BTN2A2: variants seen among roughly 807,000 people sequenced by gnomAD.
BTN2A2 encodes the protein butyrophilin subfamily 2 member A2, also known as butyrophilin 2.
Under a neutral mutation model 34.7 loss-of-function variants are expected in BTN2A2, and 29 were observed. The observed-to-expected ratio is 0.84, with a 90% CI of 0.62 to 1.14. The LOEUF is 1.14. Ranked by LOEUF, BTN2A2 falls within the 50% of genes most tolerant of loss-of-function variation. BTN2A2 has a pLI of 0.00. For missense variants in BTN2A2, 612 were observed against 651.5 expected (o/e 0.94, Z 0.66); for synonymous variants, 240 against 253.1 (o/e 0.95, Z 0.49).
At chr6:26,392,157 T>G in intron 7 of BTN2A2, 1 of 1,441,510 alleles carries the variant, frequency 6.9e-7, no homozygotes, top group Non-Finnish European at 9.4e-7. Context: ...GCCACAATTC[T>G]TCTCAACCTG....
chr6:26,383,781 T>C lies in BTN2A2; in HGVS notation c.-30-11T>C. 1 of 1,592,380 alleles carries C rather than the reference T, an allele frequency of 6.3e-7. No individual in the cohort carries two copies. Among genetic ancestry groups the C allele is most frequent in the South Asian group, 1.1e-5 (1 of 90,592 alleles). Reference sequence around the variant, plus strand: ...GACTCCTAGGCTGATTCTCCTCCTCTGTAACCCTAGGCCTCTGGTCTCTGC... The same window carrying C: ...GACTCCTAGGCTGATTCTCCTCCTCCGTAACCCTAGGCCTCTGGTCTCTGC... On this transcript the variant is annotated splice_polypyrimidine_tract_variant and intron_variant, in intron 1 of 7. Coordinates refer to ENST00000356709, the MANE Select transcript of BTN2A2 (RefSeq NM_006995.5). This position sits in a 1 kb window ranked among gnomAD's most constrained non-coding sequence, Gnocchi z 4.4.
Position 26,383,749 on chromosome 6 carries a change from G to A in BTN2A2, c.-30-43G>A. 1 of 1,505,592 alleles carries A rather than the reference G, an allele frequency of 6.6e-7. No homozygotes were observed. The highest frequency in any genetic ancestry group is 9.2e-7 in the Non-Finnish European group (1 of 1,082,098). The allele number at this position is 1,505,592 out of a possible 1,614,324, so 93.3% of individuals were successfully genotyped here. ...GAGGTTGGGCCCGACCAGCACTGAG[G>A]TGCCAAGACTCCTAGGCTGATTCTC... On this transcript the variant is annotated intron_variant, in intron 1 of 7. Transcript: ENST00000356709. This position sits in a 1 kb window ranked among gnomAD's most constrained non-coding sequence, Gnocchi z 4.4.
At position 26,392,677 on chromosome 6, in the gene BTN2A2, CG is replaced by C; in HGVS notation, c.1285del (p.Ala429ProfsTer11). ...WTLEMFGNQY[R>X]ALSSPERILP... ...CCTGGAGATGTTTGGAAACCAATAC[CG>C]GGCCCTGTCCTCCCCTGAGAGGATT... On this transcript the variant is annotated frameshift_variant, in exon 8 of 8. Transcript: ENST00000356709. LOFTEE classifies it low-confidence loss of function (END_TRUNC). The C allele has an allele frequency of 1.2e-6, 2 of 1,614,178 alleles. No homozygotes were observed. The highest frequency in any genetic ancestry group is 1.7e-6 in the Non-Finnish European group (2 of 1,180,028).
At position 26,387,963 on chromosome 6, in the gene BTN2A2, G is replaced by A. The variant is rs763843005; in HGVS notation, c.443-50G>A. Reference sequence around the variant, plus strand: ...AGCAACCATCCATCAAGGTGCAGTAGGGGCTAAGATACCACTGCCTTTTGG... The same window carrying A: ...AGCAACCATCCATCAAGGTGCAGTAAGGGCTAAGATACCACTGCCTTTTGG... On this transcript the variant is annotated intron_variant, in intron 3 of 7. Coordinates refer to ENST00000356709, the MANE Select transcript of BTN2A2 (RefSeq NM_006995.5). The A allele has an allele frequency of 1.9e-6, 3 of 1,554,622 alleles. No homozygotes were observed. The African/African-American group carries it at 4.1e-5, about 21-fold the overall frequency.
At position 26,393,571 on chromosome 6, in the gene BTN2A2, A is replaced by T. The variant is rs1296584250; in HGVS notation, c.*604A>T. On this transcript the variant is annotated 3_prime_UTR_variant, in exon 8 of 8. Transcript: ENST00000356709. ...CCACAGCACACACCCACAGGCCTGG[A>T]CCTGGGATGAAGATGAATGAAGAAC... 2.4e-5 allele frequency: 24 copies of T among 1,006,910 alleles called. No homozygotes were observed. The highest frequency in any genetic ancestry group is 2.8e-5 in the Non-Finnish European group (24 of 843,326). The allele number at this position is 1,006,910 out of a possible 1,614,324, so 62.4% of individuals were successfully genotyped here. A position where few individuals can be genotyped will look rare whatever the true frequency, so the allele number is the denominator to read the frequency against.
chr6:26,390,971 G>A, intron 7 of BTN2A2, 142 bp downstream of exon 7: 1 of 1,234,244 alleles, frequency 8.1e-7, no homozygotes, highest in Non-Finnish European at 1.2e-6. Flanking sequence ...CGGTGTCCCA[G>A]CAATGATGCA....
chr6:26,383,528 C>T lies in BTN2A2; in HGVS notation c.-30-264C>T. ...TGGAGGGACGAGGGTGTGAAAGAAT[C>T]CAGGGACAACTGAAGAAACCGGACT... On this transcript the variant is annotated intron_variant, in intron 1 of 7. Transcript: ENST00000356709. This position sits in a 1 kb window ranked among gnomAD's most constrained non-coding sequence, Gnocchi z 4.4. The T allele has an allele frequency of 7.7e-6, 3 of 388,946 alleles. No individual in the cohort carries two copies. Among genetic ancestry groups the T allele is most frequent in the Non-Finnish European group, 1.4e-5 (3 of 213,050 alleles). The allele number at this position is 388,946 out of a possible 1,614,324, so 24.1% of individuals were successfully genotyped here.
rs3885849 is a variant in BTN2A2, at chr6:26,384,400, G to A, written c.94+485G>A. Among the ~76,000 whole-genome samples, 21,541 of 152,032 alleles carry A rather than the reference G, an allele frequency of 0.14. 4,130 individuals are homozygous for A. Among genetic ancestry groups the A allele is most frequent in the African/African-American group, 0.44 (18,062 of 41,412 alleles). On this transcript the variant is annotated intron_variant, in intron 2 of 7. Coordinates refer to ENST00000356709, the MANE Select transcript of BTN2A2 (RefSeq NM_006995.5). The surrounding 1 kb of genome is among the most constrained non-coding windows in gnomAD (Gnocchi z 4.0). ...TAGCTGTTAAGGATCCTCCCACTTT[G>A]GCCTCCCAAATATCTGCAATTACAG...
intron 4 of BTN2A2, among the ~76,000 whole-genome samples, chr6:26,389,311 A>C (rs114729037): frequency 0.013 from 2,033 of 152,254 alleles, 35 homozygotes; most frequent in African/African-American, 0.043. Context: ...GTCAGGGAAG[A>C]CTTCACTGTA....
chr6:26,389,074 C>T (rs983724832), intron 4 of BTN2A2, among the ~76,000 whole-genome samples: 3 of 151,910 alleles, frequency 2.0e-5, no homozygotes, highest in Admixed American at 6.6e-5. Flanking sequence ...AAGATCGTGC[C>T]ACTGCACTCC....
intron 4 of BTN2A2, 68 bp downstream of exon 4, chr6:26,388,362 A>G: frequency 6.4e-7 from 1 of 1,568,684 alleles, no homozygotes; most frequent in Non-Finnish European, 8.7e-7. Flanking sequence ...TGGAGCCCAG[A>G]GCGGGAATGG....
chr6:26,385,389 C>T (rs1486443526), intron 3 of BTN2A2, 27 bp downstream of exon 3: 1 of 1,590,686 alleles, frequency 6.3e-7, no homozygotes, highest in South Asian at 1.1e-5. Context: ...TGCTTTATTA[C>T]TTTTGCACAG....
Position 26,394,378 on chromosome 6 carries a change from GA to G in BTN2A2, c.*1413del. On this transcript the variant is annotated 3_prime_UTR_variant, in exon 8 of 8. Transcript: ENST00000356709. ...GGGTGTGTCTGTGAGTGTGTTTCCA[GA>G]AGAGATTGGCAAGTGAGTCAGTGGG... 1 of 689,010 alleles carries G rather than the reference GA, an allele frequency of 1.5e-6. No homozygotes were observed. The highest frequency in any genetic ancestry group is 2.0e-5 in the Admixed American group (1 of 49,112). 42.7% of individuals were successfully genotyped at this position (689,010 alleles called of 1,614,324 possible).
intron 3 of BTN2A2, 82 bp from the exon 4 acceptor site, chr6:26,387,931 T>C: frequency 7.0e-7 from 1 of 1,432,410 alleles, no homozygotes; most frequent in East Asian, 2.3e-5. Flanking sequence ...AAACCAAGGG[T>C]CTTTCTAGCA....
intron 3 of BTN2A2, among the ~76,000 whole-genome samples, chr6:26,385,763 G>A (rs1761159932): frequency 6.6e-6 from 1 of 152,212 alleles, no homozygotes; most frequent in African/African-American, 2.4e-5. Flanking sequence ...ATGTTGGCAG[G>A]CTGGTCTCAA....
intron 3 of BTN2A2, among the ~76,000 whole-genome samples, chr6:26,385,859 C>T (rs1315301673): frequency 6.6e-6 from 1 of 152,184 alleles, no homozygotes; most frequent in Non-Finnish European, 1.5e-5. Context: ...CTGGGCTTCA[C>T]TTCTTCAGAA....
rs897699055 is a variant in BTN2A2, at chr6:26,392,215, T to A, written c.980-160T>A. On this transcript the variant is annotated intron_variant, in intron 7 of 7. Coordinates refer to ENST00000356709, the MANE Select transcript of BTN2A2 (RefSeq NM_006995.5). ...AGAGATAGAAGTGCAGCTTCCGTAA[T>A]TCTCAGGGTATGAGCTGCCTGGGAT... is the stretch of plus-strand genomic sequence containing the variant. 25 of 1,545,300 alleles carry A rather than the reference T, an allele frequency of 1.6e-5. No homozygotes were observed. The Admixed American group carries it at 3.3e-4, about 21-fold the overall frequency.
rs902040016 is a variant in BTN2A2 at position 26,394,414 on chromosome 6, CCTT to C, written c.*1450_*1452del. 7 of 672,664 alleles carry C rather than the reference CCTT, an allele frequency of 1.0e-5. No individual in the cohort carries two copies. Among genetic ancestry groups the C allele is most frequent in the South Asian group, 6.3e-5 (4 of 63,800 alleles). 41.7% of individuals were successfully genotyped at this position (672,664 alleles called of 1,614,324 possible). On this transcript the variant is annotated 3_prime_UTR_variant, in exon 8 of 8. Transcript: ENST00000356709. ...CAAGTGAGTCAGTGGGAAATTCTCT[CCTT>C]CTGTTGGCTGGGTGCCCAATACAAC...
chr6:26,388,085 G>A lies in BTN2A2; in HGVS notation c.515G>A (p.Gly172Glu). 6.2e-7 allele frequency: 1 copy of A among 1,614,090 alleles called. No homozygotes were observed. Among genetic ancestry groups the A allele is most frequent in the Non-Finnish European group, 8.5e-7 (1 of 1,180,004 alleles). The change falls in exon 4 of 8, where the codon GGA becomes GAA. Residue 172 changes from glycine (G) to glutamate (E), a missense_variant. By Grantham distance (98) the Gly-to-Glu change is moderately conservative. Transcript: ENST00000356709. ...AGCATCTGGCTGGAGTGCATATCTG[G>A]AGGGTGGTACCCAGAGCCCCTCACA... is the stretch of plus-strand genomic sequence containing the variant. ...DGSIWLECIS[G>E]GWYPEPLTVW...
Sources: allele counts gnomAD v4.1 joint callset (sites outside exome capture counted in the v4.1 genomes callset), GRCh38; gene constraint gnomAD v4.1.1; non-coding constraint Gnocchi (gnomAD v3.1); transcripts MANE v1.5; gene names NCBI Gene and HGNC (gene_info 2026-07-23, HGNC 2026-07-21).